NR3C2: variants seen among roughly 807,000 people sequenced by gnomAD.
NR3C2 encodes nuclear receptor subfamily 3 group C member 2.
NR3C2 carries 15 observed loss-of-function variants against 86.4 expected under a neutral mutation model. The observed-to-expected ratio is 0.17, with a 90% CI of 0.12 to 0.27. NR3C2 has a LOEUF of 0.27. NR3C2 is among the 10% of genes least tolerant of loss of function. The pLI, the probability that NR3C2 is intolerant of heterozygous loss-of-function variation, is 1.00. For missense variants in NR3C2, 960 were observed against 1,195.6 expected, an observed-to-expected ratio of 0.80 and a Z score of 2.91; for synonymous variants, 458 against 450.5, an observed-to-expected ratio of 1.02 and a Z score of -0.21.
chr4:148,111,642 G>T (rs1732049500), intron 8 of NR3C2, among the ~76,000 whole-genome samples: 1 of 152,110 alleles, frequency 6.6e-6, no homozygotes, highest in African/African-American at 2.4e-5. Context: ...AAACTACTTT[G>T]CAATAAGAAA....
chr4:148,344,791 G>A (rs2149985396), intron 2 of NR3C2, among the ~76,000 whole-genome samples: 1 of 152,304 alleles, frequency 6.6e-6, no homozygotes, highest in South Asian at 2.1e-4. Context: ...ATTATCAAGA[G>A]TTGCATCTCT....
At position 148,189,417 on chromosome 4, in the gene NR3C2, G is replaced by A. The variant is rs538527367; in HGVS notation, c.2014+5329C>T. On this transcript the variant is annotated intron_variant, in intron 4 of 8. Transcript: ENST00000358102. ...CTTGATCATGGTGGATTATCTTTTC[G>A]ATATGTTGTTGGATTCGGTTAGCTA... Among the ~76,000 whole-genome samples the A allele has an allele frequency of 3.1e-4, 47 of 152,258 alleles. 1 individual carries two copies. The South Asian group carries it at 9.6e-3, about 31-fold the overall frequency.
intron 2 of NR3C2, among the ~76,000 whole-genome samples, chr4:148,366,224 C>A (rs368189555): frequency 1.7e-4 from 26 of 152,042 alleles, no homozygotes; most frequent in African/African-American, 6.0e-4. Context: ...TATCCACATA[C>A]AAGGATATTA....
At chr4:148,191,335 T>G (rs1736185446) in intron 4 of NR3C2, among the ~76,000 whole-genome samples, 1 of 152,236 alleles carries the variant, frequency 6.6e-6, no homozygotes, top group Non-Finnish European at 1.5e-5. Context: ...CTTTGAGGGT[T>G]TCTGCTGAGA....
At chr4:148,421,890 A>G (rs1453975420) in intron 2 of NR3C2, among the ~76,000 whole-genome samples, 1 of 152,152 alleles carries the variant, frequency 6.6e-6, no homozygotes, top group African/African-American at 2.4e-5. Flanking sequence ...CATGAAATGC[A>G]CAGTTCATGA....
At position 148,210,453 on chromosome 4, in the gene NR3C2, A is replaced by C. The variant is rs925748150; in HGVS notation, c.1898-15591T>G. On this transcript the variant is annotated intron_variant, in intron 3 of 8. Coordinates refer to ENST00000358102, the MANE Select transcript of NR3C2 (RefSeq NM_000901.5). Reference sequence around the variant, plus strand: ...CAATCTGCCTGCCTCGGGCTCCCAAAGTGCTGGGATTACAGGCAGGAGCCA... The same window carrying C: ...CAATCTGCCTGCCTCGGGCTCCCAACGTGCTGGGATTACAGGCAGGAGCCA... Among the ~76,000 whole-genome samples, 8 of 152,320 alleles carry C rather than the reference A, an allele frequency of 5.3e-5. No individual in the cohort carries two copies. In the East Asian group the frequency reaches 1.4e-3, roughly 26 times the overall value.
chr4:148,283,580 C>CATG (rs906314017), intron 2 of NR3C2, among the ~76,000 whole-genome samples: 22 of 152,296 alleles, frequency 1.4e-4, no homozygotes, highest in African/African-American at 5.1e-4. Flanking sequence ...AGGTTGTTTT[C>CATG]AGTTGAACTT....
At chr4:148,414,190 A>G (rs1748881485) in intron 2 of NR3C2, among the ~76,000 whole-genome samples, 1 of 152,228 alleles carries the variant, frequency 6.6e-6, no homozygotes, top group East Asian at 1.9e-4. Context: ...GATTCCATTT[A>G]TGTAAAATTG....
intron 2 of NR3C2, among the ~76,000 whole-genome samples, chr4:148,428,475 G>T (rs538465606): frequency 6.6e-6 from 1 of 152,168 alleles, no homozygotes; most frequent in African/African-American, 2.4e-5. Context: ...ATTCTGAACT[G>T]GATCCTTTTG....
At chr4:148,395,473 T>A (rs1747814460) in intron 2 of NR3C2, among the ~76,000 whole-genome samples, 1 of 152,176 alleles carries the variant, frequency 6.6e-6, no homozygotes, top group South Asian at 2.1e-4. Context: ...ACAAGGGTTA[T>A]CCTAACCTGA....
chr4:148,302,460 A>T (rs1420875393), intron 2 of NR3C2, among the ~76,000 whole-genome samples: 1 of 152,204 alleles, frequency 6.6e-6, no homozygotes, highest in Non-Finnish European at 1.5e-5. Flanking sequence ...CTTCTCCAGA[A>T]TTTAGAAACT....
chr4:148,362,026 T>TGGG (rs148666164), intron 2 of NR3C2, among the ~76,000 whole-genome samples: 1,557 of 152,200 alleles, frequency 0.01, 60 homozygotes, highest in East Asian at 0.077. Flanking sequence ...TTAGTAGACA[T>TGGG]GGGGGTTCAC....
chr4:148,217,223 G>A (rs1389023032), intron 3 of NR3C2, among the ~76,000 whole-genome samples: 2 of 152,214 alleles, frequency 1.3e-5, no homozygotes, highest in Non-Finnish European at 2.9e-5. Context: ...CTGGCTGGGA[G>A]AAAACTCACC....
At chr4:148,091,071 G>A (rs759328918) in intron 8 of NR3C2, among the ~76,000 whole-genome samples, 3 of 152,266 alleles carry the variant, frequency 2.0e-5, no homozygotes, top group Non-Finnish European at 4.4e-5. Flanking sequence ...AGGGCTGGGT[G>A]TGCAGAAGGC....
intron 2 of NR3C2, among the ~76,000 whole-genome samples, chr4:148,409,814 C>T (rs1227737022): frequency 1.3e-5 from 2 of 152,020 alleles, no homozygotes; most frequent in Non-Finnish European, 2.9e-5. Context: ...TTTACTAACT[C>T]AGTCCTAAAT....
intron 2 of NR3C2, among the ~76,000 whole-genome samples, chr4:148,402,807 C>G (rs1199361925): frequency 6.6e-6 from 1 of 152,000 alleles, no homozygotes; most frequent in East Asian, 1.9e-4. Flanking sequence ...GAAAGCAAAA[C>G]AAGCTTAAAA....
At chr4:148,290,151 G>A (rs1365862082) in intron 2 of NR3C2, among the ~76,000 whole-genome samples, 2 of 152,150 alleles carry the variant, frequency 1.3e-5, no homozygotes, top group Non-Finnish European at 1.5e-5. Flanking sequence ...GAGGATGGCT[G>A]CTTTCTTTCT....
chr4:148,322,263 G>A (rs1325955339), intron 2 of NR3C2, among the ~76,000 whole-genome samples: 6 of 149,438 alleles, frequency 4.0e-5, no homozygotes, highest in Admixed American at 2.0e-4. Flanking sequence ...TAGTCTGATG[G>A]GCTTCCCTTT....
At chr4:148,259,670 T>C (rs1408066305) in intron 3 of NR3C2, among the ~76,000 whole-genome samples, 3 of 152,186 alleles carry the variant, frequency 2.0e-5, no homozygotes, top group African/African-American at 7.2e-5. Context: ...CTATTCCAGA[T>C]CACATAAATT....
Sources: allele counts gnomAD v4.1 joint callset (sites outside exome capture counted in the v4.1 genomes callset), GRCh38; gene constraint gnomAD v4.1.1; transcripts MANE v1.5; gene names NCBI Gene and HGNC (gene_info 2026-07-23, HGNC 2026-07-21).